Variants in PDGFRA observed in about 807,000 individuals in gnomAD.
PDGFRA encodes the protein platelet-derived growth factor receptor alpha.
PDGFRA carries 25 observed loss-of-function variants against 121.5 expected under a neutral mutation model. The observed-to-expected ratio is 0.21, with a 90% confidence interval of 0.15 to 0.29. The LOEUF (loss-of-function observed/expected upper bound fraction) is 0.29. Ranked by LOEUF, PDGFRA falls within the 10% of genes least tolerant of loss-of-function variation. The probability of loss-of-function intolerance (pLI) is 1.00; values close to 1 mark genes in which losing one functional copy is unlikely to be tolerated. For synonymous variants in PDGFRA, 463 were observed against 494.8 expected, an observed-to-expected ratio of 0.94 and a Z score of 0.85; for missense variants, 1,008 against 1,345.1, an observed-to-expected ratio of 0.75 and a Z score of 3.92.
At chr4:54,280,689 C>T in intron 16 of PDGFRA, 1 of 428,866 alleles carries the variant, frequency 2.3e-6, no homozygotes. Flanking sequence ...GACAATGTAA[C>T]AAATTTTTTA....
chr4:54,269,504 T>TACAC lies in PDGFRA; in HGVS notation c.1122-1101_1122-1098dup, dbSNP rs141245838. On this transcript the variant is annotated intron_variant, in intron 7 of 22. Coordinates refer to ENST00000257290, the MANE Select transcript of PDGFRA (RefSeq NM_006206.6). ...CACATACTATATTTATGCACATACATACACACACACACACACACACACACA... is the reference window on the plus strand; with the variant it reads ...CACATACTATATTTATGCACATACATACACACACACACACACACACACACACACA... 2.8e-3 allele frequency among the ~76,000 whole-genome samples: 396 copies of TACAC among 142,378 alleles called. 3 individuals carry two copies. Among genetic ancestry groups the TACAC allele is most frequent in the East Asian group, 0.023 (114 of 4,950 alleles). 93.4% of individuals were successfully genotyped at this position (142,378 alleles called of 152,430 possible). A position where few individuals can be genotyped will look rare whatever the true frequency, so the allele number is the denominator to read the frequency against.
intron 1 of PDGFRA, among the ~76,000 whole-genome samples, chr4:54,243,860 C>G (rs776354526): frequency 1.2e-4 from 19 of 152,178 alleles, no homozygotes; most frequent in Admixed American, 3.3e-4. Flanking sequence ...TCACTCCCAC[C>G]CCAATACTGC....
Position 54,277,437 on chromosome 4 carries a change from C to T in PDGFRA, c.1836C>T (p.Ala612=), listed in dbSNP as rs1553904819. The T allele has an allele frequency of 1.2e-6, 2 of 1,614,080 alleles. No individual in the cohort carries two copies. Among genetic ancestry groups the T allele is most frequent in the Non-Finnish European group, 1.7e-6 (2 of 1,179,994 alleles). The part of the protein sequence containing the change: ...GAFGKVVEGT[A]YGLSRSQPVM... Reference sequence around the variant, plus strand: ...TTGGGAAGGTGGTTGAAGGAACAGCCTATGGATTAAGCCGGTCCCAACCTG... The same window carrying T: ...TTGGGAAGGTGGTTGAAGGAACAGCTTATGGATTAAGCCGGTCCCAACCTG... The change falls in exon 13 of 23, where the codon GCC becomes GCT. Residue 612 remains alanine (A), a synonymous_variant. Transcript: ENST00000257290.
chr4:54,269,712 G>A (rs540248157), intron 7 of PDGFRA, among the ~76,000 whole-genome samples: 4 of 147,956 alleles, frequency 2.7e-5, no homozygotes, highest in Admixed American at 1.4e-4. Context: ...GTACGATCAC[G>A]GCTCACTGCA....
intron 10 of PDGFRA, 124 bp from the exon 11 acceptor site, chr4:54,274,407 C>CAA: frequency 2.7e-6 from 2 of 749,436 alleles, no homozygotes; most frequent in South Asian, 2.8e-5. Context: ...ATGAACCAGG[C>CAA]AGCCCTCACA....
chr4:54,267,520 T>TC, intron 6 of PDGFRA, 32 bp from the exon 7 acceptor site: 1 of 1,613,894 alleles, frequency 6.2e-7, no homozygotes, highest in Non-Finnish European at 8.5e-7. Context: ...TATGTGGTAA[T>TC]CATTATTTAA....
intron 1 of PDGFRA, among the ~76,000 whole-genome samples, chr4:54,247,320 A>G (rs1242838563): frequency 1.3e-5 from 2 of 152,234 alleles, no homozygotes; most frequent in Non-Finnish European, 2.9e-5. Context: ...AAAATCCTCA[A>G]TAAAATACTG....
intron 9 of PDGFRA, among the ~76,000 whole-genome samples, 153 bp from the exon 10 acceptor site, chr4:54,273,384 A>C (rs1446458143): frequency 6.6e-6 from 1 of 152,178 alleles, no homozygotes; most frequent in African/African-American, 2.4e-5. Flanking sequence ...GACAAGTTTT[A>C]ATGTTCATCT....
intron 16 of PDGFRA, chr4:54,281,652 G>A (rs917237893): frequency 6.6e-6 from 9 of 1,361,024 alleles, no homozygotes; most frequent in Non-Finnish European, 5.8e-6. Flanking sequence ...CCTGTTGGCA[G>A]GCAGACCACT....
intron 12 of PDGFRA, among the ~76,000 whole-genome samples, chr4:54,275,922 T>C (rs1156236974): frequency 6.6e-6 from 1 of 152,212 alleles, no homozygotes; most frequent in Non-Finnish European, 1.5e-5. Context: ...AAGACAATAA[T>C]AGCCCTTTGC....
chr4:54,281,338 T>C (rs1168484465), intron 16 of PDGFRA, among the ~76,000 whole-genome samples: 1 of 152,242 alleles, frequency 6.6e-6, no homozygotes, highest in Non-Finnish European at 1.5e-5. Flanking sequence ...AAATTATTGA[T>C]GTGCTCTGAA....
At chr4:54,232,892 G>C (rs150645282) in intron 1 of PDGFRA, among the ~76,000 whole-genome samples, 1 of 152,144 alleles carries the variant, frequency 6.6e-6, no homozygotes, top group Non-Finnish European at 1.5e-5. Context: ...GGCCAGGAAC[G>C]GTTCTTAAAT....
At chr4:54,288,551 G>A (rs983678410) in intron 19 of PDGFRA, among the ~76,000 whole-genome samples, 3 of 152,098 alleles carry the variant, frequency 2.0e-5, no homozygotes, top group African/African-American at 7.2e-5. Context: ...ACACTTGAAC[G>A]CTTATTTCTA....
In PDGFRA at chr4:54,267,382, A is replaced by G. The variant is rs541057765; in HGVS notation, c.853A>G (p.Ser285Gly). ...LTVPEATVKD[S>G]GDYECAARQA... ...GGTCCCCGAGGCCACGGTGAAAGACAGTGGAGATTACGAATGTGCTGCCCG... is the reference window on the plus strand; with the variant it reads ...GGTCCCCGAGGCCACGGTGAAAGACGGTGGAGATTACGAATGTGCTGCCCG... The change falls in exon 6 of 23, where the codon AGT (serine) becomes GGT (glycine). Residue 285 changes from serine (S) to glycine (G), a missense_variant. Ser to Gly is a moderately conservative substitution (Grantham distance 56). Coordinates refer to ENST00000257290, the MANE Select transcript of PDGFRA (RefSeq NM_006206.6). The G allele has an allele frequency of 1.5e-5, 24 of 1,613,958 alleles. No homozygotes were observed. The Middle Eastern group carries it at 6.6e-4, about 44-fold the overall frequency.
chr4:54,247,590 C>G (rs988787666), intron 1 of PDGFRA, among the ~76,000 whole-genome samples: 12 of 151,938 alleles, frequency 7.9e-5, no homozygotes, highest in African/African-American at 2.9e-4. Flanking sequence ...TAAGAGCTAT[C>G]TATGACAAAC....
rs748849639 is a variant in PDGFRA, at chr4:54,278,010, G to A, written c.2002+4G>A. ...CTGGGAGCCTGCACCAAGTCAGGTGGGCTCACTGACCTGGAGTGAGGATTT... is the reference window on the plus strand; with the variant it reads ...CTGGGAGCCTGCACCAAGTCAGGTGAGCTCACTGACCTGGAGTGAGGATTT... On this transcript the variant is annotated splice_donor_region_variant and intron_variant, in intron 14 of 22. Coordinates refer to ENST00000257290, the MANE Select transcript of PDGFRA (RefSeq NM_006206.6). 1 of 1,564,014 alleles carries A rather than the reference G, an allele frequency of 6.4e-7. No individual in the cohort carries two copies. Among genetic ancestry groups the A allele is most frequent in the Non-Finnish European group, 8.8e-7 (1 of 1,134,408 alleles).
In PDGFRA at chr4:54,273,658, A is replaced by C. The variant is rs778784351; in HGVS notation, c.1486A>C (p.Thr496Pro). The C allele has an allele frequency of 1.2e-6, 2 of 1,613,868 alleles. No individual in the cohort carries two copies. Among genetic ancestry groups the C allele is most frequent in the Non-Finnish European group, 1.7e-6 (2 of 1,180,002 alleles). The change falls in exon 10 of 23, where the codon ACC becomes CCC. Residue 496 changes from threonine to proline, a missense_variant. Transcript: ENST00000257290. Reference sequence around the variant, plus strand: ...TGTGACTTTCGCCAAAGTGGAGGAGACCATCGCCGTGCGATGCCTGGCTAA... The same window carrying C: ...TGTGACTTTCGCCAAAGTGGAGGAGCCCATCGCCGTGCGATGCCTGGCTAA... ...GRVTFAKVEETIAVRCLAKNL... is the reference protein window; with the variant it reads ...GRVTFAKVEEPIAVRCLAKNL...
intron 1 of PDGFRA, among the ~76,000 whole-genome samples, chr4:54,251,463 T>A (rs1169469306): frequency 1.3e-5 from 2 of 152,238 alleles, no homozygotes; most frequent in African/African-American, 4.8e-5. Context: ...TATAGTTATT[T>A]GCCTAAGTGC....
chr4:54,275,365 A>T (rs6855761), intron 12 of PDGFRA, among the ~76,000 whole-genome samples: 23,428 of 152,190 alleles, frequency 0.15, 2,157 homozygotes, highest in African/African-American at 0.23. Context: ...CATTCTGAAG[A>T]TGCATTAGAT....
Sources: gnomAD v4.1 joint callset for allele counts (sites outside exome capture counted in the v4.1 genomes callset) on GRCh38, gnomAD v4.1.1 for gene constraint, MANE v1.5 for transcripts, NCBI Gene and HGNC (gene_info 2026-07-23, HGNC 2026-07-21) for gene names.